The following NRXN1 variants were observed in gnomAD, a reference collection of about 807,000 sequenced individuals.
NRXN1 encodes the protein neurexin 1.
Under a neutral mutation model 150.9 loss-of-function variants are expected in NRXN1, and 39 were observed. The ratio of observed to expected loss-of-function variants is 0.26; its 90% CI spans 0.20 to 0.34. NRXN1 has a LOEUF of 0.34. Ranked by LOEUF, NRXN1 falls within the 10% of genes least tolerant of loss-of-function variation. The pLI is 1.00. For synonymous variants in NRXN1, 924 were observed against 757.0 expected (o/e 1.22, Z -3.62); for missense variants, 1,815 against 1,949.9 (o/e 0.93, Z 1.30).
intron 17 of NRXN1, among the ~76,000 whole-genome samples, chr2:50,445,375 A>G (rs1291149067): frequency 6.6e-6 from 1 of 152,224 alleles, no homozygotes; most frequent in Non-Finnish European, 1.5e-5. Context: ...TAGATAGTCA[A>G]TAGCTTTTAT....
chr2:50,596,485 G>T (rs1321612200), intron 8 of NRXN1, among the ~76,000 whole-genome samples: 11 of 152,128 alleles, frequency 7.2e-5, no homozygotes, highest in Non-Finnish European at 5.9e-5. Flanking sequence ...CACATTAAAA[G>T]AAATTATGCA....
intron 5 of NRXN1, among the ~76,000 whole-genome samples, chr2:50,651,241 AG>A (rs1443414813): frequency 6.6e-6 from 1 of 151,980 alleles, no homozygotes; most frequent in Admixed American, 6.6e-5. Context: ...TCTCCTGTAT[AG>A]AATACCCTCT....
intron 5 of NRXN1, among the ~76,000 whole-genome samples, chr2:50,800,476 G>A (rs1280923515): frequency 6.6e-6 from 1 of 152,148 alleles, no homozygotes; most frequent in Admixed American, 6.6e-5. Context: ...AACAGATGTA[G>A]GCCAAGTCAA....
At chr2:50,070,206 C>A (rs531054803) in intron 19 of NRXN1, among the ~76,000 whole-genome samples, 2 of 152,072 alleles carry the variant, frequency 1.3e-5, no homozygotes, top group South Asian at 4.1e-4. Context: ...CATTATGATA[C>A]TAGGAAATAG....
At chr2:50,789,228 T>C (rs1705591440) in intron 5 of NRXN1, among the ~76,000 whole-genome samples, 1 of 152,214 alleles carries the variant, frequency 6.6e-6, no homozygotes, top group Non-Finnish European at 1.5e-5. Flanking sequence ...GATTCATGGC[T>C]GTCAGTTCTT....
intron 18 of NRXN1, among the ~76,000 whole-genome samples, chr2:50,137,732 T>C (rs1214226902): frequency 1.3e-5 from 2 of 152,166 alleles, no homozygotes; most frequent in South Asian, 4.1e-4. Flanking sequence ...GAAAAGTGGG[T>C]TCAATTTTGA....
At chr2:50,191,394 A>T (rs775995485) in intron 18 of NRXN1, among the ~76,000 whole-genome samples, 12 of 152,086 alleles carry the variant, frequency 7.9e-5, no homozygotes, top group Non-Finnish European at 1.5e-4. Context: ...TAAATTAGGA[A>T]ATTGACTTTG....
intron 18 of NRXN1, among the ~76,000 whole-genome samples, chr2:50,120,039 G>C (rs1427427688): frequency 6.6e-6 from 1 of 152,034 alleles, no homozygotes; most frequent in Non-Finnish European, 1.5e-5. Context: ...GTTCTGCTTG[G>C]AGCAGCTGTT....
chr2:50,338,198 G>C (rs138559323), intron 17 of NRXN1, among the ~76,000 whole-genome samples: 5 of 152,126 alleles, frequency 3.3e-5, no homozygotes, highest in African/African-American at 1.2e-4. Flanking sequence ...TGACATCCAC[G>C]TGACAAATGA....
chr2:50,643,851 C>CA (rs1182438245), intron 5 of NRXN1, among the ~76,000 whole-genome samples: 1 of 151,664 alleles, frequency 6.6e-6, no homozygotes, highest in African/African-American at 2.4e-5. Context: ...TTACTTTTCT[C>CA]AAAAAATTTA....
chr2:50,311,288 C>T (rs1251374281), intron 17 of NRXN1, among the ~76,000 whole-genome samples: 2 of 152,116 alleles, frequency 1.3e-5, no homozygotes, highest in Non-Finnish European at 2.9e-5. Context: ...GAAAAGCATG[C>T]ATCATAGAAA....
At chr2:50,431,261 A>G (rs544647772) in intron 17 of NRXN1, among the ~76,000 whole-genome samples, 1 of 152,294 alleles carries the variant, frequency 6.6e-6, no homozygotes, top group African/African-American at 2.4e-5. Context: ...TATCATAATT[A>G]CCATGGCTTA....
chr2:50,447,746 T>TATATATAC lies in NRXN1; in HGVS notation c.3364+17695_3364+17696insGTATATAT, dbSNP rs1237900528. On this transcript the variant is annotated intron_variant, in intron 17 of 22. Transcript: ENST00000401669. ...AGTAAGCAGGGGAACGTTATATATATATATATATATATATATATATATATA... is the reference window on the plus strand; with the variant it reads ...AGTAAGCAGGGGAACGTTATATATATATATATACATATATATATATATATATATATATA... Among the ~76,000 whole-genome samples, 127 of 49,392 alleles carry TATATATAC rather than the reference T, an allele frequency of 2.6e-3. 8 individuals carry two copies. Among genetic ancestry groups the TATATATAC allele is most frequent in the African/African-American group, 8.9e-3 (120 of 13,496 alleles). 32.4% of individuals were successfully genotyped at this position (49,392 alleles called of 152,430 possible).
chr2:50,571,177 A>G (rs1670608038), intron 8 of NRXN1, among the ~76,000 whole-genome samples: 1 of 152,184 alleles, frequency 6.6e-6, no homozygotes, highest in East Asian at 1.9e-4. Context: ...GATAGTAGTT[A>G]AAATTAATGC....
At chr2:50,851,662 G>A (rs62140624) in intron 5 of NRXN1, among the ~76,000 whole-genome samples, 17,815 of 151,916 alleles carry the variant, frequency 0.12, 1,404 homozygotes, top group Non-Finnish European at 0.18. Flanking sequence ...TAAAATAAAC[G>A]GATAAATTCC....
chr2:50,852,099 G>T (rs1674600763), intron 5 of NRXN1, among the ~76,000 whole-genome samples: 1 of 152,156 alleles, frequency 6.6e-6, no homozygotes, highest in Admixed American at 6.5e-5. Context: ...GAGAAAATGG[G>T]CCAAGTTCTT....
chr2:50,647,943 T>TAC (rs1049539165), intron 5 of NRXN1, among the ~76,000 whole-genome samples: 14 of 151,940 alleles, frequency 9.2e-5, no homozygotes, highest in Admixed American at 8.5e-4. Flanking sequence ...TATACATATA[T>TAC]ACACACATAC....
chr2:50,758,171 C>T (rs1701378572), intron 5 of NRXN1: 1 of 151,724 alleles, frequency 6.6e-6, no homozygotes, highest in Admixed American at 6.6e-5. Flanking sequence ...ATAGTTTAAC[C>T]AACGCAGAGA....
chr2:50,126,733 T>C (rs2152742743), intron 18 of NRXN1, among the ~76,000 whole-genome samples: 1 of 152,176 alleles, frequency 6.6e-6, no homozygotes, highest in South Asian at 2.1e-4. Flanking sequence ...CCATTAACAT[T>C]AATGGAAACT....
Sources: allele counts gnomAD v4.1 joint callset (sites outside exome capture counted in the v4.1 genomes callset), GRCh38; gene constraint gnomAD v4.1.1; transcripts MANE v1.5; gene names NCBI Gene and HGNC (gene_info 2026-07-23, HGNC 2026-07-21).